The following ETV1 variants were observed in gnomAD, a reference collection of about 807,000 sequenced individuals.
ETV1 encodes ETS translocation variant 1.
A neutral mutation model predicts 62.3 loss-of-function variants in ETV1; 27 were observed. The observed-to-expected ratio is 0.43, with a 90% CI of 0.32 to 0.60. The LOEUF (loss-of-function observed/expected upper bound fraction) is 0.60, where lower values mean the gene tolerates loss of function less well. Ranked by LOEUF, ETV1 falls within the 20% of genes least tolerant of loss-of-function variation. ETV1 has a pLI of 0.06. For missense variants in ETV1, 605 were observed against 605.8 expected, an observed-to-expected ratio of 1.00 and a Z score of 0.01; for synonymous variants, 222 against 199.6, an observed-to-expected ratio of 1.11 and a Z score of -0.94.
chr7:13,937,806 T>C (rs1006389465), intron 7 of ETV1, among the ~76,000 whole-genome samples: 2 of 152,236 alleles, frequency 1.3e-5, no homozygotes, highest in African/African-American at 2.4e-5. Flanking sequence ...TATAAAACTT[T>C]GCAGTTTCAA....
rs746787205 is a variant in ETV1 at position 13,986,142 on chromosome 7, G to A, written c.181+496C>T. On this transcript the variant is annotated intron_variant, in intron 5 of 13. Coordinates refer to ENST00000430479, the MANE Select transcript of ETV1 (RefSeq NM_004956.5). ...TAACGTTCTGTGTTGTGAACAAGGT[G>A]GAAAGAAGACACTTGCACTTAAATC... is the stretch of plus-strand genomic sequence containing the variant. 8 of 1,592,920 alleles carry A rather than the reference G, an allele frequency of 5.0e-6. No individual in the cohort carries two copies. The African/African-American group carries it at 5.4e-5, about 11-fold the overall frequency.
At chr7:13,942,667 C>T (rs1056864186) in intron 6 of ETV1, among the ~76,000 whole-genome samples, 2 of 152,086 alleles carry the variant, frequency 1.3e-5, no homozygotes, top group African/African-American at 2.4e-5. Flanking sequence ...CAAGTTTTAG[C>T]ACTTCAGATT....
intron 9 of ETV1, 127 bp downstream of exon 9, chr7:13,931,375 G>A (rs1341492828): frequency 2.2e-5 from 22 of 1,000,482 alleles, no homozygotes; most frequent in Middle Eastern, 3.3e-4. Flanking sequence ...TTCAATGAAC[G>A]GACAAAATCT....
At chr7:13,960,069 CTAAAG>C (rs202220068) in intron 6 of ETV1, among the ~76,000 whole-genome samples, 4,917 of 151,924 alleles carry the variant, frequency 0.032, 108 homozygotes, top group Non-Finnish European at 0.037. Context: ...GCTGCTACAT[CTAAAG>C]TATTTCTTCT....
intron 6 of ETV1, among the ~76,000 whole-genome samples, chr7:13,964,782 A>G (rs1242061557): frequency 6.6e-6 from 1 of 152,112 alleles, no homozygotes; most frequent in Admixed American, 6.6e-5. Flanking sequence ...AAAATCACTA[A>G]TGAGTGAAAG....
chr7:13,969,687 G>A (rs987820476), intron 6 of ETV1, among the ~76,000 whole-genome samples: 1 of 152,114 alleles, frequency 6.6e-6, no homozygotes, highest in Non-Finnish European at 1.5e-5. Context: ...TTTTATTCAT[G>A]CCCAGGTCTG....
intron 6 of ETV1, among the ~76,000 whole-genome samples, chr7:13,939,823 T>G (rs1787271530): frequency 6.6e-6 from 1 of 152,232 alleles, no homozygotes; most frequent in African/African-American, 2.4e-5. Context: ...AGTATCTGCC[T>G]ATCTAATTAC....
chr7:13,985,253 T>C (rs1230873692), intron 5 of ETV1: 1 of 152,080 alleles, frequency 6.6e-6, no homozygotes, highest in Non-Finnish European at 1.5e-5. Flanking sequence ...TATCTGAATA[T>C]GACTTATGTT....
chr7:13,983,848 G>T (rs905254984), intron 5 of ETV1, among the ~76,000 whole-genome samples: 1 of 151,644 alleles, frequency 6.6e-6, no homozygotes, highest in Non-Finnish European at 1.5e-5. Flanking sequence ...TATTTTTACA[G>T]AGGACTTTAC....
intron 9 of ETV1, among the ~76,000 whole-genome samples, chr7:13,930,767 AAC>A (rs1786018805): frequency 6.6e-6 from 1 of 151,500 alleles, no homozygotes; most frequent in African/African-American, 2.4e-5. Flanking sequence ...CTTACTTACG[AAC>A]ACTTAGAATC....
chr7:13,966,321 T>C (rs1489883941), intron 6 of ETV1, among the ~76,000 whole-genome samples: 1 of 152,050 alleles, frequency 6.6e-6, no homozygotes, highest in East Asian at 1.9e-4. Context: ...TTGGACAGAG[T>C]ACATTTTGTT....
intron 6 of ETV1, among the ~76,000 whole-genome samples, chr7:13,961,030 C>T (rs1343408808): frequency 2.0e-5 from 3 of 151,814 alleles, no homozygotes; most frequent in South Asian, 4.2e-4. Flanking sequence ...CACCGGAGTC[C>T]CAGCTACTCA....
chr7:13,986,156 T>C, intron 5 of ETV1: 2 of 1,594,486 alleles, frequency 1.3e-6, no homozygotes, highest in Non-Finnish European at 1.7e-6. Context: ...AGAAGACACT[T>C]GCACTTAAAT....
intron 12 of ETV1, among the ~76,000 whole-genome samples, chr7:13,902,699 C>G (rs1343449325): frequency 6.6e-6 from 1 of 152,050 alleles, no homozygotes; most frequent in Non-Finnish European, 1.5e-5. Flanking sequence ...ATTTCTGAAT[C>G]CTTATTCATT....
At chr7:13,917,471 C>T (rs1183483950) in intron 9 of ETV1, among the ~76,000 whole-genome samples, 1 of 151,900 alleles carries the variant, frequency 6.6e-6, no homozygotes, top group Admixed American at 6.6e-5. Context: ...GCATGCACCA[C>T]CATGCCCTGC....
intron 5 of ETV1, among the ~76,000 whole-genome samples, chr7:13,979,915 G>T (rs4721289): frequency 0.55 from 83,285 of 151,804 alleles, 23,055 homozygotes; most frequent in Admixed American, 0.61. Flanking sequence ...ACTCACTGAT[G>T]GGTGTGTGAT....
intron 11 of ETV1, among the ~76,000 whole-genome samples, chr7:13,907,073 C>A (rs1284031779): frequency 1.3e-5 from 2 of 152,026 alleles, no homozygotes; most frequent in Non-Finnish European, 2.9e-5. Context: ...ATCTTATTGA[C>A]CTGCTCATGA....
At chr7:13,951,919 A>C (rs976874758) in intron 6 of ETV1, among the ~76,000 whole-genome samples, 2 of 152,154 alleles carry the variant, frequency 1.3e-5, no homozygotes, top group Admixed American at 6.5e-5. Flanking sequence ...TATACAGAAG[A>C]CAAACAGACT....
chr7:13,968,684 A>C (rs1780556800), intron 6 of ETV1, among the ~76,000 whole-genome samples: 1 of 151,914 alleles, frequency 6.6e-6, no homozygotes, highest in African/African-American at 2.4e-5. Flanking sequence ...TCTAAAACCC[A>C]CTTTTCAAGT....
Sources: allele counts gnomAD v4.1 joint callset (sites outside exome capture counted in the v4.1 genomes callset), GRCh38; gene constraint gnomAD v4.1.1; transcripts MANE v1.5; gene names NCBI Gene and HGNC (gene_info 2026-07-23, HGNC 2026-07-21).